ZNF33B: variants seen among roughly 807,000 people sequenced by gnomAD.
ZNF33B encodes zinc finger protein 11b (KOX 2).
A neutral mutation model predicts 45.8 loss-of-function variants in ZNF33B; 29 were observed. The ratio of observed to expected loss-of-function variants is 0.63; its 90% CI spans 0.47 to 0.86. The LOEUF is 0.86. Ranked by LOEUF, ZNF33B falls within the 40% of genes least tolerant of loss-of-function variation. The pLI, the probability that ZNF33B is intolerant of heterozygous loss-of-function variation, is 0.00. For missense variants in ZNF33B, 831 were observed against 909.9 expected, an observed-to-expected ratio of 0.91 and a Z score of 1.12; for synonymous variants, 305 against 307.8, an observed-to-expected ratio of 0.99 and a Z score of 0.10.
intron 4 of ZNF33B, among the ~76,000 whole-genome samples, chr10:42,621,162 A>C (rs1838564957): frequency 1.0e-5 from 1 of 95,950 alleles, no homozygotes; most frequent in Non-Finnish European, 2.7e-5. Flanking sequence ...TTTCCACCAA[A>C]AAAAAAAAAA....
chr10:42,618,610 G>A (rs1013389167), intron 4 of ZNF33B, among the ~76,000 whole-genome samples: 1 of 152,068 alleles, frequency 6.6e-6, no homozygotes, highest in Non-Finnish European at 1.5e-5. Context: ...CTTTTATAAG[G>A]CAGGTCAAAT....
chr10:42,614,949 T>C (rs1011577540), intron 4 of ZNF33B, among the ~76,000 whole-genome samples: 5 of 149,352 alleles, frequency 3.3e-5, no homozygotes, highest in African/African-American at 9.9e-5. Context: ...CGAGATTCCA[T>C]CTCAAAAAGA....
chr10:42,620,200 A>T (rs1838507364), intron 4 of ZNF33B, among the ~76,000 whole-genome samples: 1 of 148,882 alleles, frequency 6.7e-6, no homozygotes, highest in Admixed American at 6.7e-5. Flanking sequence ...TGGGCAACAG[A>T]GCAAGACTTT....
Position 42,590,972 on chromosome 10 carries a change from C to T in ZNF33B, c.*1641G>A. On this transcript the variant is annotated 3_prime_UTR_variant, in exon 5 of 5. Transcript: ENST00000359467. ...ATTTGCTCTTCTTTTTCTAGTTTTC[C>T]AAAGTGGAAGCTTAGATTACTTGTG... is the stretch of plus-strand genomic sequence containing the variant. 5.9e-6 allele frequency: 1 copy of T among 170,552 alleles called. No homozygotes were observed. Among genetic ancestry groups the T allele is most frequent in the Non-Finnish European group, 1.2e-5 (1 of 84,902 alleles). 10.6% of individuals were successfully genotyped at this position (170,552 alleles called of 1,614,324 possible).
At position 42,589,722 on chromosome 10, in the gene ZNF33B, A is replaced by G. The variant is rs898263985; in HGVS notation, c.*2891T>C. ...TTTTTGTTATTTAGAATTTTCTACA[A>G]AGACAATCATGTTATTTGAGAACAA... On this transcript the variant is annotated 3_prime_UTR_variant, in exon 5 of 5. Transcript: ENST00000359467. 1.4e-5 allele frequency: 2 copies of G among 147,148 alleles called. No individual in the cohort carries two copies. Among genetic ancestry groups the G allele is most frequent in the Non-Finnish European group, 2.9e-5 (2 of 68,000 alleles). 9.1% of individuals were successfully genotyped at this position (147,148 alleles called of 1,614,324 possible).
chr10:42,623,917 T>C (rs980404750), intron 4 of ZNF33B, among the ~76,000 whole-genome samples: 1 of 152,258 alleles, frequency 6.6e-6, no homozygotes, highest in Non-Finnish European at 1.5e-5. Flanking sequence ...TTTGCATTTT[T>C]GTCAACAGTT....
At chr10:42,598,443 C>T (rs1837487966) in intron 4 of ZNF33B, among the ~76,000 whole-genome samples, 1 of 152,224 alleles carries the variant, frequency 6.6e-6, no homozygotes, top group African/African-American at 2.4e-5. Context: ...AATTCCAGAA[C>T]ACTCCCAGGC....
intron 4 of ZNF33B, among the ~76,000 whole-genome samples, chr10:42,601,498 C>G (rs1302904001): frequency 3.9e-5 from 4 of 102,866 alleles, no homozygotes; most frequent in African/African-American, 7.8e-5. Flanking sequence ...TTTTTTGAGA[C>G]ACAGTCTCAC....
At chr10:42,619,886 A>G (rs1838493801) in intron 4 of ZNF33B, among the ~76,000 whole-genome samples, 2 of 56,978 alleles carry the variant, frequency 3.5e-5, no homozygotes, top group African/African-American at 4.7e-5. Flanking sequence ...GAAGGAAATG[A>G]GAAGGGAATA....
intron 4 of ZNF33B, among the ~76,000 whole-genome samples, chr10:42,631,140 C>T (rs158387): frequency 0.031 from 4,714 of 152,154 alleles, 209 homozygotes; most frequent in East Asian, 0.13. Flanking sequence ...AACCACAGAA[C>T]ACTTAATATA....
chr10:42,619,475 T>C (rs1838478366), intron 4 of ZNF33B, among the ~76,000 whole-genome samples: 1 of 152,154 alleles, frequency 6.6e-6, no homozygotes, highest in African/African-American at 2.4e-5. Flanking sequence ...CTAGGCCTGC[T>C]ATACAGGGAA....
At chr10:42,577,028 G>A (rs1430654773) in intron 1 of ZNF33B, among the ~76,000 whole-genome samples, 11 of 150,938 alleles carry the variant, frequency 7.3e-5, no homozygotes, top group Middle Eastern at 3.5e-3. Flanking sequence ...AGCTACTCAG[G>A]AGGCTGAGAC....
chr10:42,636,179 G>C (rs184648370), intron 2 of ZNF33B, among the ~76,000 whole-genome samples: 206 of 152,196 alleles, frequency 1.4e-3, no homozygotes, highest in African/African-American at 4.7e-3. Context: ...TTAACTTACT[G>C]ATCAAACAGT....
intron 1 of ZNF33B, among the ~76,000 whole-genome samples, chr10:42,580,713 G>A (rs191857592): frequency 0.023 from 3,456 of 150,314 alleles, 99 homozygotes; most frequent in Admixed American, 0.096. Flanking sequence ...GAGGCCAGGA[G>A]TTCAAGACCA....
intron 4 of ZNF33B, among the ~76,000 whole-genome samples, chr10:42,595,076 C>T (rs144825921): frequency 3.5e-4 from 54 of 152,154 alleles, no homozygotes; most frequent in African/African-American, 1.2e-3. Context: ...CAACCCATGA[C>T]TTTAGCATAA....
intron 4 of ZNF33B, among the ~76,000 whole-genome samples, chr10:42,611,601 T>C (rs1838098462): frequency 6.6e-6 from 1 of 152,140 alleles, no homozygotes; most frequent in South Asian, 2.1e-4. Flanking sequence ...CAAATTAGAC[T>C]TCATGGAATG....
intron 4 of ZNF33B, among the ~76,000 whole-genome samples, chr10:42,600,829 G>A (rs1032561520): frequency 1.3e-5 from 2 of 152,076 alleles, no homozygotes; most frequent in African/African-American, 4.8e-5. Flanking sequence ...TACATTTGAT[G>A]TTATTTTTGT....
At chr10:42,583,437 G>A (rs750886420) in intron 1 of ZNF33B, 56 of 310,036 alleles carry the variant, frequency 1.8e-4, no homozygotes, top group Middle Eastern at 7.8e-4. Context: ...GGTATTGCCC[G>A]CTGAGATGGT....
At chr10:42,625,032 C>CGTATT (rs1838740445) in intron 4 of ZNF33B, among the ~76,000 whole-genome samples, 1 of 82,744 alleles carries the variant, frequency 1.2e-5, no homozygotes. Flanking sequence ...AAAATTGTTT[C>CGTATT]ATATTTTATA....
Sources: allele counts gnomAD v4.1 joint callset (sites outside exome capture counted in the v4.1 genomes callset), GRCh38; gene constraint gnomAD v4.1.1; transcripts MANE v1.5; gene names NCBI Gene and HGNC (gene_info 2026-07-23, HGNC 2026-07-21).